Variants in L3MBTL1 observed in about 807,000 individuals in gnomAD.
L3MBTL1 encodes the protein L3MBTL histone methyl-lysine binding protein 1, also known as lethal(3)malignant brain tumor-like protein 1.
L3MBTL1 carries 75 observed loss-of-function variants against 105.3 expected under a neutral mutation model. That is an observed-to-expected ratio of 0.71 (90% confidence interval 0.59 to 0.86). The LOEUF is 0.86. Ranked by LOEUF, L3MBTL1 falls within the 40% of genes least tolerant of loss-of-function variation. The pLI is 0.00. For synonymous variants in L3MBTL1, 452 were observed against 436.2 expected (o/e 1.04, Z -0.45); for missense variants, 1,069 against 1,126.4 (o/e 0.95, Z 0.73).
chr20:43,523,128 ATAAAG>A (rs2018825227), intron 7 of L3MBTL1: 1 of 152,212 alleles, frequency 6.6e-6, no homozygotes, highest in East Asian at 1.9e-4. Flanking sequence ...ATAAAAATAA[ATAAAG>A]TAAAATGTCA....
chr20:43,513,695 A>T, intron 2 of L3MBTL1, 56 bp downstream of exon 2: 1 of 1,549,390 alleles, frequency 6.5e-7, no homozygotes. Flanking sequence ...TACCTGCTCA[A>T]GCAAGTGTGG....
chr20:43,530,741 C>G, intron 10 of L3MBTL1, 57 bp from the exon 11 acceptor site: 1 of 1,512,676 alleles, frequency 6.6e-7, no homozygotes, highest in Non-Finnish European at 9.2e-7. Flanking sequence ...TGTGGGGTGC[C>G]CTTGCTGTGG....
intron 7 of L3MBTL1, among the ~76,000 whole-genome samples, chr20:43,524,133 TTTTA>T (rs1220471169): frequency 1.3e-5 from 2 of 152,208 alleles, no homozygotes; most frequent in Non-Finnish European, 1.5e-5. Flanking sequence ...AACTTACTAA[TTTTA>T]TTTGTCTTTT....
chr20:43,536,359 CTG>C (rs1265038387), intron 18 of L3MBTL1, 48 bp from the exon 19 acceptor site: 1 of 1,612,990 alleles, frequency 6.2e-7, no homozygotes, highest in Non-Finnish European at 8.5e-7. Context: ...GCCTCTTGGA[CTG>C]GGCCAGACAC....
chr20:43,531,451 T>G (rs1335422679), intron 11 of L3MBTL1: 2 of 152,912 alleles, frequency 1.3e-5, no homozygotes, highest in African/African-American at 4.8e-5. Context: ...TGGCGGCTCA[T>G]GCCTGTAATC....
intron 12 of L3MBTL1, 71 bp from the exon 13 acceptor site, chr20:43,533,271 A>G: frequency 1.4e-6 from 2 of 1,413,252 alleles, no homozygotes; most frequent in Non-Finnish European, 9.8e-7. Context: ...GCCCTGAGCC[A>G]TGCTTTCAGA....
chr20:43,528,943 G>A, intron 8 of L3MBTL1, 198 bp downstream of exon 8: 2 of 609,862 alleles, frequency 3.3e-6, no homozygotes, highest in Non-Finnish European at 5.8e-6. Context: ...GAAACAGAGA[G>A]GTGGAAGCTA....
At chr20:43,546,565 C>T (rs1346774743), downstream of L3MBTL1, among the ~76,000 whole-genome samples, 1 of 152,086 alleles carries the variant, frequency 6.6e-6, no homozygotes, top group Non-Finnish European at 1.5e-5. Context: ...GAAGTGTTTT[C>T]ATTGCTATGA....
At chr20:43,544,155 T>G (rs1028439845), downstream of L3MBTL1, among the ~76,000 whole-genome samples, 1 of 152,220 alleles carries the variant, frequency 6.6e-6, no homozygotes, top group Non-Finnish European at 1.5e-5. Context: ...AGCTTCCTGC[T>G]TCCCAAATGT....
chr20:43,529,222 G>C, intron 8 of L3MBTL1, 42 bp from the exon 9 acceptor site: 4 of 1,490,782 alleles, frequency 2.7e-6, no homozygotes, highest in African/African-American at 1.4e-5. Flanking sequence ...CAAGGATAAG[G>C]CTGGATGGAA....
chr20:43,527,508 T>C (rs970889852), intron 7 of L3MBTL1, among the ~76,000 whole-genome samples: 1 of 152,156 alleles, frequency 6.6e-6, no homozygotes, highest in South Asian at 2.1e-4. Flanking sequence ...CTTGGAGGCA[T>C]GGACAGGACC....
downstream of L3MBTL1, among the ~76,000 whole-genome samples, chr20:43,544,203 G>T (rs1442458086): frequency 6.6e-6 from 1 of 152,208 alleles, no homozygotes; most frequent in East Asian, 1.9e-4. Context: ...ACACCTTTCT[G>T]CTGTGAAAGC....
At position 43,541,482 on chromosome 20, in the gene L3MBTL1, TG is replaced by T. The variant is rs1228755651; in HGVS notation, c.*358del. 2 of 217,246 alleles carry T rather than the reference TG, an allele frequency of 9.2e-6. No homozygotes were observed. Among genetic ancestry groups the T allele is most frequent in the African/African-American group, 4.5e-5 (2 of 44,464 alleles). The allele number at this position is 217,246 out of a possible 1,614,324, so 13.5% of individuals were successfully genotyped here. On this transcript the variant is annotated 3_prime_UTR_variant, in exon 22 of 22. Transcript: ENST00000418998. ...ATTACAGTCATGCATTGCTTAACGA[TG>T]GGGATACATTCTTAGAAATGTGTCA...
chr20:43,509,495 A>G (rs192714468), intron 1 of L3MBTL1, among the ~76,000 whole-genome samples: 7 of 152,192 alleles, frequency 4.6e-5, no homozygotes, highest in African/African-American at 1.4e-4. Flanking sequence ...CCAAAGTGCT[A>G]GGATTACAGG....
rs773025192 is a variant in L3MBTL1 at position 43,530,294 on chromosome 20, A to G, written c.1067A>G (p.Tyr356Cys). The change falls in exon 10 of 22, where the codon TAT (tyrosine) becomes TGT (cysteine). Residue 356 changes from tyrosine (Y) to cysteine (C), a missense_variant. Coordinates refer to ENST00000418998, the MANE Select transcript of L3MBTL1 (RefSeq NM_001377303.1). ...CCCTCATGGGGCCAGGTATGTGGCT[A>G]TCGCCTACGCCTGCACTTTGATGGG... is the stretch of plus-strand genomic sequence containing the variant. ...FILTVAEVCG[Y>C]RLRLHFDGYS... The G allele has an allele frequency of 3.7e-6, 6 of 1,613,964 alleles. No homozygotes were observed. The highest frequency in any genetic ancestry group is 1.1e-5 in the South Asian group (1 of 91,048).
chr20:43,519,079 G>A (rs1325944548), intron 7 of L3MBTL1, among the ~76,000 whole-genome samples: 1 of 151,960 alleles, frequency 6.6e-6, no homozygotes, highest in Non-Finnish European at 1.5e-5. Flanking sequence ...CATGGTCCCT[G>A]TAATCCCAGC....
chr20:43,512,096 T>C (rs1409711624), intron 1 of L3MBTL1, among the ~76,000 whole-genome samples: 1 of 152,158 alleles, frequency 6.6e-6, no homozygotes, highest in Non-Finnish European at 1.5e-5. Context: ...CACTGAAGAA[T>C]TTAGATAGGG....
chr20:43,541,193 A>T lies in L3MBTL1; in HGVS notation c.*65A>T. On this transcript the variant is annotated 3_prime_UTR_variant, in exon 22 of 22. Coordinates refer to ENST00000418998, the MANE Select transcript of L3MBTL1 (RefSeq NM_001377303.1). ...TTAAAGTGTATTTTGAATGACACAG[A>T]TATTGTGATTTACTGCAAGGATCCT... 1.3e-6 allele frequency: 2 copies of T among 1,566,162 alleles called. No homozygotes were observed. The highest frequency in any genetic ancestry group is 1.7e-6 in the Non-Finnish European group (2 of 1,153,552).
At chr20:43,537,993 CTG>C (rs2019717679) in intron 19 of L3MBTL1, among the ~76,000 whole-genome samples, 1 of 152,174 alleles carries the variant, frequency 6.6e-6, no homozygotes, top group Admixed American at 6.5e-5. Flanking sequence ...AGAGGCTTAA[CTG>C]AGATGTTCCA....
Sources: allele counts gnomAD v4.1 joint callset (sites outside exome capture counted in the v4.1 genomes callset), GRCh38; gene constraint gnomAD v4.1.1; transcripts MANE v1.5; gene names NCBI Gene and HGNC (gene_info 2026-07-23, HGNC 2026-07-21).